Variants in CATSPERT observed in about 807,000 individuals in gnomAD.
CATSPERT encodes the protein catsper channel auxiliary subunit tau, also known as cation channel sperm-associated targeting subunit tau.
the CATSPERT span, among the ~76,000 whole-genome samples, chr2:201,552,360 G>A: frequency 6.6e-6 from 1 of 152,280 alleles, no homozygotes; most frequent in East Asian, 1.9e-4. Context: ...GATGCTAGAA[G>A]TGCTCCTAAG....
the CATSPERT span, among the ~76,000 whole-genome samples, chr2:201,503,505 C>T: frequency 6.6e-6 from 1 of 152,204 alleles, no homozygotes; most frequent in Non-Finnish European, 1.5e-5. Flanking sequence ...AGTGATCCTA[C>T]TGCCTCAGCC....
chr2:201,605,964 T>C, the CATSPERT span, among the ~76,000 whole-genome samples: 1 of 151,996 alleles, frequency 6.6e-6, no homozygotes, highest in African/African-American at 2.4e-5. Context: ...AAAGGTAGCA[T>C]CGATTCAAAA....
chr2:201,565,932 G>C, the CATSPERT span: 2 of 1,445,364 alleles, frequency 1.4e-6, no homozygotes, highest in Non-Finnish European at 1.9e-6. Context: ...TCCAAAATCA[G>C]TGGCAGCTAT....
the CATSPERT span, chr2:201,618,924 C>T: frequency 2.5e-6 from 4 of 1,613,854 alleles, no homozygotes; most frequent in Non-Finnish European, 2.5e-6. Context: ...GCCCGGTGCC[C>T]TCCTGGTTCT....
At chr2:201,591,007 T>G in the CATSPERT span, among the ~76,000 whole-genome samples, 1 of 152,238 alleles carries the variant, frequency 6.6e-6, no homozygotes, top group Admixed American at 6.5e-5. Context: ...ATTTGTCAAT[T>G]TAGGCTTTTG....
At chr2:201,574,393 T>G in the CATSPERT span, 2 of 737,114 alleles carry the variant, frequency 2.7e-6, no homozygotes, top group Admixed American at 7.2e-5. Context: ...AGTATGAATC[T>G]CCTGACTTTT....
the CATSPERT span, among the ~76,000 whole-genome samples, chr2:201,559,277 A>AGCT: frequency 6.6e-6 from 1 of 152,294 alleles, no homozygotes; most frequent in Non-Finnish European, 1.5e-5. Context: ...CCTGAGAAAC[A>AGCT]GCTCCTCAGG....
chr2:201,548,226 T>A, the CATSPERT span, among the ~76,000 whole-genome samples: 3 of 152,240 alleles, frequency 2.0e-5, no homozygotes, highest in East Asian at 5.8e-4. Flanking sequence ...TTTCTCACAG[T>A]TCTAGAGGCC....
At chr2:201,575,034 CAAAA>C in the CATSPERT span, among the ~76,000 whole-genome samples, 4 of 97,920 alleles carry the variant, frequency 4.1e-5, no homozygotes, top group Non-Finnish European at 6.4e-5. Flanking sequence ...CACCATTTAG[CAAAA>C]AAAAAAAAAA....
At chr2:201,596,058 A>G in the CATSPERT span, among the ~76,000 whole-genome samples, 1 of 152,364 alleles carries the variant, frequency 6.6e-6, no homozygotes, top group African/African-American at 2.4e-5. Flanking sequence ...CATTTGACAC[A>G]GCAATCCCAT....
At chr2:201,606,934 A>G in the CATSPERT span, among the ~76,000 whole-genome samples, 3 of 152,034 alleles carry the variant, frequency 2.0e-5, no homozygotes, top group Admixed American at 6.6e-5. Context: ...GAGAGCAGTT[A>G]ATATATTTAA....
the CATSPERT span, among the ~76,000 whole-genome samples, chr2:201,590,760 G>C: frequency 1.2e-4 from 19 of 152,094 alleles, no homozygotes; most frequent in Non-Finnish European, 8.8e-5. Context: ...TTTTTCAAGT[G>C]TTTTTTGGCT....
At chr2:201,557,896 T>G in the CATSPERT span, 2 of 152,310 alleles carry the variant, frequency 1.3e-5, no homozygotes, top group South Asian at 4.1e-4. Context: ...GATCCATCAT[T>G]CATAACCTTA....
At chr2:201,613,314 T>C in the CATSPERT span, among the ~76,000 whole-genome samples, 6 of 152,298 alleles carry the variant, frequency 3.9e-5, no homozygotes, top group South Asian at 2.1e-4. Flanking sequence ...TAGGGGCCAA[T>C]TGACACCTCA....
chr2:201,492,584 T>C, the CATSPERT span: 1 of 1,529,436 alleles, frequency 6.5e-7, no homozygotes, highest in Non-Finnish European at 8.7e-7. Flanking sequence ...TCAGATGCTG[T>C]CTCATTAAAT....
the CATSPERT span, among the ~76,000 whole-genome samples, chr2:201,521,066 T>C: frequency 2.6e-5 from 4 of 151,976 alleles, no homozygotes; most frequent in African/African-American, 7.3e-5. Flanking sequence ...ATAGAAAGTC[T>C]GAACAGACCA....
the CATSPERT span, among the ~76,000 whole-genome samples, chr2:201,618,572 G>C: frequency 6.7e-6 from 1 of 149,210 alleles, no homozygotes; most frequent in Non-Finnish European, 1.5e-5. Context: ...GTTGGGGGGA[G>C]GGAGGAGGGA....
the CATSPERT span, among the ~76,000 whole-genome samples, chr2:201,505,740 A>G: frequency 3.7e-3 from 562 of 152,336 alleles, 4 homozygotes; most frequent in African/African-American, 0.013. Context: ...TGAGACACAA[A>G]GAGTATATTA....
At chr2:201,612,849 C>T in the CATSPERT span, among the ~76,000 whole-genome samples, 4 of 152,192 alleles carry the variant, frequency 2.6e-5, no homozygotes, top group Non-Finnish European at 5.9e-5. Flanking sequence ...GACACTCCCA[C>T]CCTAATACTG....
Sources: allele counts gnomAD v4.1 joint callset (sites outside exome capture counted in the v4.1 genomes callset), GRCh38; gene constraint gnomAD v4.1.1; transcripts MANE v1.5; gene names NCBI Gene and HGNC (gene_info 2026-07-23, HGNC 2026-07-21).